NMNAT2: variants seen among roughly 807,000 people sequenced by gnomAD.
NMNAT2 encodes the protein nicotinamide/nicotinic acid mononucleotide adenylyltransferase 2.
Under a neutral mutation model 41.6 loss-of-function variants are expected in NMNAT2, and 11 were observed. That is an observed-to-expected ratio of 0.26 (90% CI 0.17 to 0.44). The LOEUF is 0.44. NMNAT2 is among the 20% of genes least tolerant of loss of function. The pLI is 1.00. For synonymous variants in NMNAT2, 148 were observed against 151.2 expected, an observed-to-expected ratio of 0.98 and a Z score of 0.16; for missense variants, 288 against 407.7, an observed-to-expected ratio of 0.71 and a Z score of 2.53.
At chr1:183,305,716 C>CTCT (rs1661977436) in intron 1 of NMNAT2, among the ~76,000 whole-genome samples, 1 of 123,170 alleles carries the variant, frequency 8.1e-6, no homozygotes, top group Non-Finnish European at 1.6e-5. Context: ...CCTTTACAGC[C>CTCT]TTTTTTTTTT....
chr1:183,277,246 G>A (rs1250613766), intron 8 of NMNAT2, among the ~76,000 whole-genome samples: 1 of 152,170 alleles, frequency 6.6e-6, no homozygotes, highest in Non-Finnish European at 1.5e-5. Flanking sequence ...ACTTTGGGAG[G>A]CTGAGGCAGG....
At chr1:183,262,843 G>C (rs1004283975) in intron 8 of NMNAT2, among the ~76,000 whole-genome samples, 1 of 152,214 alleles carries the variant, frequency 6.6e-6, no homozygotes, top group African/African-American at 2.4e-5. Flanking sequence ...ATCCCAGATG[G>C]GGGAAGAGGG....
intron 1 of NMNAT2, among the ~76,000 whole-genome samples, chr1:183,410,589 C>A (rs1354054551): frequency 1.3e-5 from 2 of 151,902 alleles, no homozygotes; most frequent in Non-Finnish European, 2.9e-5. Flanking sequence ...GGCACTGCCC[C>A]CCTTCCAACC....
chr1:183,318,739 C>A (rs1427962999), intron 1 of NMNAT2, among the ~76,000 whole-genome samples: 1 of 152,232 alleles, frequency 6.6e-6, no homozygotes, highest in Non-Finnish European at 1.5e-5. Flanking sequence ...TCCCAAACTG[C>A]TGACCTCTAC....
intron 1 of NMNAT2, among the ~76,000 whole-genome samples, chr1:183,371,450 C>A (rs1160654545): frequency 6.6e-6 from 1 of 152,152 alleles, no homozygotes. Flanking sequence ...CGAATGAGCT[C>A]TGGTGTAAAC....
intron 1 of NMNAT2, among the ~76,000 whole-genome samples, chr1:183,301,793 C>A (rs1571585184): frequency 1.3e-5 from 2 of 152,354 alleles, no homozygotes; most frequent in South Asian, 4.1e-4. Flanking sequence ...ATCCTCCTGG[C>A]TACTCAGTGA....
chr1:183,394,110 C>T (rs1342981003), intron 1 of NMNAT2, among the ~76,000 whole-genome samples: 1 of 152,134 alleles, frequency 6.6e-6, no homozygotes, highest in Non-Finnish European at 1.5e-5. Flanking sequence ...GTTTGAGATG[C>T]CCACTAATAA....
intron 1 of NMNAT2, among the ~76,000 whole-genome samples, chr1:183,313,673 A>G (rs922073272): frequency 3.9e-5 from 6 of 152,084 alleles, no homozygotes; most frequent in Admixed American, 3.3e-4. Flanking sequence ...TTTAGTAGAG[A>G]TGGGGTTTCA....
At chr1:183,309,555 G>A (rs549564445) in intron 1 of NMNAT2, among the ~76,000 whole-genome samples, 1 of 152,214 alleles carries the variant, frequency 6.6e-6, no homozygotes, top group South Asian at 2.1e-4. Context: ...AAGGCCTACA[G>A]TAAGTGGAGA....
chr1:183,301,168 G>A (rs764440964), intron 1 of NMNAT2, among the ~76,000 whole-genome samples: 37 of 152,160 alleles, frequency 2.4e-4, no homozygotes, highest in Non-Finnish European at 4.1e-4. Context: ...CACTAGAGGA[G>A]GCCATCTCTC....
intron 1 of NMNAT2, among the ~76,000 whole-genome samples, chr1:183,372,649 T>C (rs1663575354): frequency 6.6e-6 from 1 of 152,262 alleles, no homozygotes; most frequent in Non-Finnish European, 1.5e-5. Flanking sequence ...ATGCTTTGCT[T>C]CTGCAAACAA....
At chr1:183,376,264 G>C (rs555805235) in intron 1 of NMNAT2, among the ~76,000 whole-genome samples, 1 of 152,230 alleles carries the variant, frequency 6.6e-6, no homozygotes, top group South Asian at 2.1e-4. Context: ...TCACATTTGA[G>C]GGTAAAATTG....
At chr1:183,321,274 T>C (rs1219513392) in intron 1 of NMNAT2, among the ~76,000 whole-genome samples, 1 of 152,152 alleles carries the variant, frequency 6.6e-6, no homozygotes, top group African/African-American at 2.4e-5. Context: ...TCCTTTATTA[T>C]GTTCATGAAG....
chr1:183,331,649 C>T (rs1445791702), intron 1 of NMNAT2, among the ~76,000 whole-genome samples: 2 of 152,248 alleles, frequency 1.3e-5, no homozygotes, highest in Non-Finnish European at 2.9e-5. Context: ...CAGGCGTGAG[C>T]CTTCCAGACA....
In NMNAT2 at chr1:183,283,976, C is replaced by T. The variant is rs947490097; in HGVS notation, c.574+19G>A. The T allele has an allele frequency of 6.2e-7, 1 of 1,613,836 alleles. No individual in the cohort carries two copies. On this transcript the variant is annotated intron_variant, in intron 7 of 10. Transcript: ENST00000287713. ...GCTCCAAATGTCCCCATTTTCCGCA[C>T]TTTCGCAGTCCCACTCACCAATCTC...
At chr1:183,315,774 C>T (rs1662234206) in intron 1 of NMNAT2, among the ~76,000 whole-genome samples, 1 of 105,590 alleles carries the variant, frequency 9.5e-6, no homozygotes, top group Admixed American at 1.1e-4. Context: ...AAGCAGACTC[C>T]GTGTAAAAAA....
At position 183,249,711 on chromosome 1, in the gene NMNAT2, G is replaced by A; in HGVS notation, c.*2930C>T. The A allele has an allele frequency of 6.5e-6, 1 of 153,942 alleles. No homozygotes were observed. Among genetic ancestry groups the A allele is most frequent in the Non-Finnish European group, 1.4e-5 (1 of 69,866 alleles). The allele number at this position is 153,942 out of a possible 1,614,324, so 9.5% of individuals were successfully genotyped here. On this transcript the variant is annotated 3_prime_UTR_variant, in exon 11 of 11. Coordinates refer to ENST00000287713, the MANE Select transcript of NMNAT2 (RefSeq NM_015039.4). ...TGTGTGTGTGTGTGTGTGTGTGTGT[G>A]TGTGTGTGTGTGTGTGTGTGTTTGG...
intron 8 of NMNAT2, among the ~76,000 whole-genome samples, chr1:183,264,944 G>A (rs1660769015): frequency 6.6e-6 from 1 of 152,122 alleles, no homozygotes. Context: ...ATTCCCCCAA[G>A]CCTCAGTCCC....
At chr1:183,288,779 G>A (rs1006546453) in intron 4 of NMNAT2, among the ~76,000 whole-genome samples, 10 of 152,216 alleles carry the variant, frequency 6.6e-5, no homozygotes, top group African/African-American at 1.9e-4. Flanking sequence ...ACCACAGCAC[G>A]TCTTTGCCTA....
Sources: gnomAD v4.1 joint callset for allele counts (sites outside exome capture counted in the v4.1 genomes callset) on GRCh38, gnomAD v4.1.1 for gene constraint, MANE v1.5 for transcripts, NCBI Gene and HGNC (gene_info 2026-07-23, HGNC 2026-07-21) for gene names.